RARB: variants seen among roughly 807,000 people sequenced by gnomAD.
RARB encodes the protein retinoic acid receptor beta.
A neutral mutation model predicts 51.9 loss-of-function variants in RARB; 17 were observed. The ratio of observed to expected loss-of-function variants is 0.33; its 90% CI spans 0.22 to 0.49. The LOEUF is 0.49. Among genes scored for constraint, RARB ranks in the 20% least tolerant of loss-of-function variants. The probability of loss-of-function intolerance (pLI) is 0.99; values close to 1 mark genes in which losing one functional copy is unlikely to be tolerated. For missense variants in RARB, 369 were observed against 550.8 expected (o/e 0.67, Z 3.30); for synonymous variants, 215 against 195.4 (o/e 1.10, Z -0.84).
intron 4 of RARB, among the ~76,000 whole-genome samples, chr3:25,156,388 G>C (rs1422834585): frequency 6.6e-6 from 1 of 152,028 alleles, no homozygotes; most frequent in African/African-American, 2.4e-5. Flanking sequence ...AATCCCATCT[G>C]TTTGAGTGGA....
chr3:25,206,546 G>T (rs377615318), intron 5 of RARB, among the ~76,000 whole-genome samples: 3 of 152,184 alleles, frequency 2.0e-5, no homozygotes, highest in East Asian at 3.9e-4. Context: ...ATCTTTTGAG[G>T]TCATTCCCTG....
chr3:25,211,006 GATAAA>G lies in RARB; in HGVS notation c.178+36437_178+36441del, dbSNP rs1701683616. 3.9e-5 allele frequency among the ~76,000 whole-genome samples: 6 copies of G among 152,170 alleles called. No homozygotes were observed. The South Asian group carries it at 1.0e-3, about 26-fold the overall frequency. ...TTCTGTGCCTCAGTTTCCTCATTGT[GATAAA>G]ATAAAGTTAACAGTACCTATCTGAT... On this transcript the variant is annotated intron_variant, in intron 5 of 11. Coordinates refer to the RARB transcript ENST00000383772.
At chr3:25,501,409 C>T (rs1242607335) in intron 3 of RARB, 86 bp downstream of exon 3, 21 of 1,493,444 alleles carry the variant, frequency 1.4e-5, no homozygotes, top group South Asian at 2.5e-5. Flanking sequence ...AATTCACACA[C>T]GACACTAACG....
chr3:25,137,209 T>A (rs936997407), intron 4 of RARB, among the ~76,000 whole-genome samples: 1 of 152,068 alleles, frequency 6.6e-6, no homozygotes, highest in Non-Finnish European at 1.5e-5. Flanking sequence ...GACAGCCTTA[T>A]ACATCCAAAG....
intron 5 of RARB, among the ~76,000 whole-genome samples, chr3:25,373,005 T>C (rs1363447417): frequency 6.6e-6 from 1 of 152,026 alleles, no homozygotes; most frequent in Non-Finnish European, 1.5e-5. Context: ...TTAGGAGTGT[T>C]TTTACTGACA....
rs545154079 is a variant in RARB at position 25,009,613 on chromosome 3, T to A, written c.-379-50512T>A. On this transcript the variant is annotated intron_variant, in intron 2 of 11. Coordinates refer to the RARB transcript ENST00000383772. Reference sequence around the variant, plus strand: ...GTCCTCATTCATGCTTTCCCTTGTGTTGCTGGCAACAGGCTGAAACACTTA... The same window carrying A: ...GTCCTCATTCATGCTTTCCCTTGTGATGCTGGCAACAGGCTGAAACACTTA... Among the ~76,000 whole-genome samples, 3 of 152,154 alleles carry A rather than the reference T, an allele frequency of 2.0e-5. No homozygotes were observed. In the South Asian group the frequency reaches 6.2e-4, roughly 32 times the overall value.
intron 2 of RARB, among the ~76,000 whole-genome samples, chr3:24,943,015 G>C (rs892133653): frequency 6.6e-6 from 1 of 152,110 alleles, no homozygotes; most frequent in Admixed American, 6.5e-5. Flanking sequence ...AAATCCGTAG[G>C]AAGACCAGCT....
At chr3:25,432,187 C>G (rs563425704) in intron 1 of RARB, among the ~76,000 whole-genome samples, 1 of 152,038 alleles carries the variant, frequency 6.6e-6, no homozygotes, top group South Asian at 2.1e-4. Context: ...GAAAGATTCA[C>G]AAAGTTTTCC....
At chr3:25,055,138 AG>A (rs781459013) in intron 2 of RARB, among the ~76,000 whole-genome samples, 2 of 152,190 alleles carry the variant, frequency 1.3e-5, no homozygotes, top group African/African-American at 2.4e-5. Flanking sequence ...ACAAATTAAA[AG>A]CCAAAGTTTC....
At chr3:25,259,591 T>A (rs1000662889) in intron 5 of RARB, among the ~76,000 whole-genome samples, 12 of 152,250 alleles carry the variant, frequency 7.9e-5, no homozygotes, top group African/African-American at 2.6e-4. Flanking sequence ...TGACTGGACT[T>A]CACATGAGCA....
intron 2 of RARB, among the ~76,000 whole-genome samples, chr3:25,500,074 C>T (rs183576065): frequency 2.6e-5 from 4 of 152,100 alleles, no homozygotes; most frequent in Non-Finnish European, 4.4e-5. Flanking sequence ...CATTACTACC[C>T]GGTAACGCTT....
At chr3:25,326,179 T>C (rs1482090760) in intron 5 of RARB, among the ~76,000 whole-genome samples, 3 of 152,226 alleles carry the variant, frequency 2.0e-5, no homozygotes, top group South Asian at 2.1e-4. Flanking sequence ...CTCAAAGATA[T>C]TGCTGTATAT....
At chr3:25,241,234 C>T (rs1702423199) in intron 5 of RARB, among the ~76,000 whole-genome samples, 2 of 152,118 alleles carry the variant, frequency 1.3e-5, no homozygotes, top group African/African-American at 2.4e-5. Context: ...TCCAAAGTTT[C>T]TCTAGTTACT....
intron 2 of RARB, among the ~76,000 whole-genome samples, chr3:25,054,671 T>G (rs1698402683): frequency 6.6e-6 from 1 of 152,120 alleles, no homozygotes; most frequent in Non-Finnish European, 1.5e-5. Context: ...CTGTGGATGC[T>G]GAGTAGAGCA....
At chr3:25,044,585 G>A (rs969181389) in intron 2 of RARB, among the ~76,000 whole-genome samples, 2 of 152,174 alleles carry the variant, frequency 1.3e-5, no homozygotes, top group Non-Finnish European at 2.9e-5. Flanking sequence ...CGTGGTACAT[G>A]GCCGGCACAT....
intron 5 of RARB, among the ~76,000 whole-genome samples, chr3:25,265,972 A>G (rs977878870): frequency 1.1e-4 from 16 of 151,854 alleles, no homozygotes; most frequent in African/African-American, 3.1e-4. Flanking sequence ...AAAGCTGGCA[A>G]CTCTCAACCT....
rs560574684 is a variant in RARB at position 25,429,507 on chromosome 3, A to C, written c.157+619A>C. On this transcript the variant is annotated intron_variant, in intron 1 of 7. Transcript: ENST00000330688. The stretch of plus-strand genomic sequence containing the variant: ...CATTGACCCTGCTGCCACCTTTCCA[A>C]GTCACTTTGTTGGTCTAAGAAGTTG... Among the ~76,000 whole-genome samples the C allele has an allele frequency of 6.6e-5, 10 of 152,304 alleles. No homozygotes were observed. In the South Asian group the frequency reaches 2.1e-3, roughly 32 times the overall value.
chr3:24,865,749 T>G (rs1222075044), intron 2 of RARB, among the ~76,000 whole-genome samples: 1 of 152,206 alleles, frequency 6.6e-6, no homozygotes, highest in Non-Finnish European at 1.5e-5. Context: ...AACATTAAAT[T>G]GATGTGACAC....
chr3:25,109,221 T>C (rs36023080), intron 3 of RARB, among the ~76,000 whole-genome samples: 18,889 of 152,184 alleles, frequency 0.12, 1,563 homozygotes, highest in South Asian at 0.28. Context: ...CATATAAATA[T>C]ATTAGCTGGT....
Sources: gnomAD v4.1 joint callset for allele counts (sites outside exome capture counted in the v4.1 genomes callset) on GRCh38, gnomAD v4.1.1 for gene constraint, MANE v1.5 for transcripts, NCBI Gene and HGNC (gene_info 2026-07-23, HGNC 2026-07-21) for gene names.